Variants in LRMDA observed in about 807,000 individuals in gnomAD.
The protein encoded by LRMDA is leucine rich melanocyte differentiation associated, also known as leucine-rich melanocyte differentiation-associated protein.
In LRMDA, 18 loss-of-function variants were observed where a neutral mutation model predicts 29.8. The ratio of observed to expected loss-of-function variants is 0.60; its 90% CI spans 0.42 to 0.90. LRMDA has a LOEUF of 0.90. LRMDA is among the 40% of genes least tolerant of loss of function. LRMDA has a pLI of 0.00. For missense variants in LRMDA, 273 were observed against 273.9 expected, an observed-to-expected ratio of 1.00 and a Z score of 0.02; for synonymous variants, 125 against 109.4, an observed-to-expected ratio of 1.14 and a Z score of -0.89.
At chr10:76,269,251 C>T (rs1013997016) in intron 5 of LRMDA, among the ~76,000 whole-genome samples, 2 of 152,140 alleles carry the variant, frequency 1.3e-5, no homozygotes, top group Non-Finnish European at 2.9e-5. Flanking sequence ...CTCCTTGGCC[C>T]TATCCCTGCT....
intron 6 of LRMDA, among the ~76,000 whole-genome samples, chr10:76,491,908 A>G (rs534575989): frequency 6.6e-6 from 1 of 151,870 alleles, no homozygotes; most frequent in South Asian, 2.1e-4. Context: ...CTCTGACTGT[A>G]TATTTCTAAA....
chr10:75,589,590 CA>C (rs927033386), intron 2 of LRMDA, among the ~76,000 whole-genome samples: 7 of 151,552 alleles, frequency 4.6e-5, no homozygotes, highest in African/African-American at 1.7e-4. Context: ...CCCATCTCTA[CA>C]AAAAAACAAA....
intron 2 of LRMDA, among the ~76,000 whole-genome samples, chr10:75,780,848 G>C (rs1417263683): frequency 6.6e-6 from 1 of 152,188 alleles, no homozygotes; most frequent in African/African-American, 2.4e-5. Context: ...CCCAGCAAGT[G>C]TTGTTGTGTC....
At chr10:75,699,307 T>C (rs1009374449) in intron 2 of LRMDA, among the ~76,000 whole-genome samples, 3 of 152,120 alleles carry the variant, frequency 2.0e-5, no homozygotes, top group Non-Finnish European at 2.9e-5. Flanking sequence ...TTGAAAATAA[T>C]GCCTTCTGAC....
Position 75,719,716 on chromosome 10 carries a change from C to T in LRMDA, c.131+281222C>T, listed in dbSNP as rs191391027. ...GGGCTGAGGTAATGAAGTGTTCCGC[C>T]TCCTGTTGCCGTGGGATGGCCATGG... On this transcript the variant is annotated intron_variant, in intron 2 of 6. Coordinates refer to ENST00000611255, the MANE Select transcript of LRMDA (RefSeq NM_001305581.2). Among the ~76,000 whole-genome samples, 32 of 152,264 alleles carry T rather than the reference C, an allele frequency of 2.1e-4. No homozygotes were observed. The East Asian group carries it at 6.2e-3, about 29-fold the overall frequency.
At chr10:76,244,679 C>T (rs534237097) in intron 5 of LRMDA, among the ~76,000 whole-genome samples, 26 of 151,920 alleles carry the variant, frequency 1.7e-4, no homozygotes, top group South Asian at 6.2e-4. Flanking sequence ...GAGGGGAGTG[C>T]GTATAATACT....
chr10:76,261,154 T>C (rs1281362692), intron 5 of LRMDA, among the ~76,000 whole-genome samples: 1 of 142,162 alleles, frequency 7.0e-6, no homozygotes, highest in Non-Finnish European at 1.5e-5. Flanking sequence ...AAACTCCACC[T>C]CCTGGGTTCA....
chr10:76,251,226 CTTTTTTTTTTTTTTTTTTTTTTTTTTT>C (rs558637864), intron 5 of LRMDA, among the ~76,000 whole-genome samples: 3,045 of 70,336 alleles, frequency 0.043, 155 homozygotes, highest in African/African-American at 0.13. Flanking sequence ...CCCGTCGCTT[CTTTTTTTTTTTTTTTTTTTTTTTTTTT>C]TTTTTTTTTT....
intron 2 of LRMDA, among the ~76,000 whole-genome samples, chr10:75,611,976 C>T (rs1041534773): frequency 1.6e-4 from 25 of 152,318 alleles, no homozygotes; most frequent in African/African-American, 5.3e-4. Flanking sequence ...GTTCCCTCTG[C>T]TGCCTTAAGG....
chr10:75,815,022 G>A (rs1301164863), intron 2 of LRMDA, among the ~76,000 whole-genome samples: 1 of 152,178 alleles, frequency 6.6e-6, no homozygotes, highest in Non-Finnish European at 1.5e-5. Flanking sequence ...AGTAGAGGAA[G>A]AATAATCTAT....
chr10:75,772,130 C>T (rs1170107443), intron 2 of LRMDA, among the ~76,000 whole-genome samples: 1 of 152,164 alleles, frequency 6.6e-6, no homozygotes, highest in East Asian at 1.9e-4. Context: ...AGCAATTCAA[C>T]TATTAATTTA....
At chr10:76,136,172 A>G (rs1850090597) in intron 5 of LRMDA, among the ~76,000 whole-genome samples, 1 of 152,204 alleles carries the variant, frequency 6.6e-6, no homozygotes, top group Non-Finnish European at 1.5e-5. Context: ...AAAATTTACT[A>G]ATTTACAATT....
At chr10:75,571,289 A>G (rs1295143222) in intron 2 of LRMDA, among the ~76,000 whole-genome samples, 1 of 152,196 alleles carries the variant, frequency 6.6e-6, no homozygotes, top group African/African-American at 2.4e-5. Context: ...AGAGGGAATT[A>G]GGTTAACATA....
intron 2 of LRMDA, among the ~76,000 whole-genome samples, chr10:75,765,535 A>G (rs1843151694): frequency 6.6e-6 from 1 of 152,076 alleles, no homozygotes; most frequent in Non-Finnish European, 1.5e-5. Flanking sequence ...AACTATTGTA[A>G]ATTCCAAAAA....
intron 2 of LRMDA, among the ~76,000 whole-genome samples, chr10:75,568,007 C>T (rs987853406): frequency 1.3e-5 from 2 of 152,160 alleles, no homozygotes; most frequent in Non-Finnish European, 1.5e-5. Context: ...GAAAAAGGAG[C>T]AAGGCTACAC....
At chr10:76,083,113 A>T (rs2132081192) in intron 5 of LRMDA, among the ~76,000 whole-genome samples, 1 of 152,308 alleles carries the variant, frequency 6.6e-6, no homozygotes, top group Non-Finnish European at 1.5e-5. Flanking sequence ...CTAACCAGGG[A>T]AAGACTGTCC....
chr10:76,037,386 A>G (rs1848267719), intron 3 of LRMDA, among the ~76,000 whole-genome samples: 1 of 152,278 alleles, frequency 6.6e-6, no homozygotes, highest in African/African-American at 2.4e-5. Flanking sequence ...TATAAAATAA[A>G]ATCAGATATA....
At chr10:75,912,236 T>C (rs191661794) in intron 2 of LRMDA, among the ~76,000 whole-genome samples, 2 of 152,324 alleles carry the variant, frequency 1.3e-5, no homozygotes, top group East Asian at 1.9e-4. Context: ...CAAAAATGCT[T>C]TCACCTAAAT....
intron 5 of LRMDA, among the ~76,000 whole-genome samples, chr10:76,219,139 G>A (rs573149178): frequency 1.9e-4 from 29 of 152,242 alleles, no homozygotes; most frequent in African/African-American, 4.8e-4. Flanking sequence ...AGGAACAACC[G>A]GTACCAGCCA....
Sources: allele counts gnomAD v4.1 joint callset (sites outside exome capture counted in the v4.1 genomes callset), GRCh38; gene constraint gnomAD v4.1.1; transcripts MANE v1.5; gene names NCBI Gene and HGNC (gene_info 2026-07-23, HGNC 2026-07-21).